Variants in EPB41L4B observed in about 807,000 individuals in gnomAD.
The protein encoded by EPB41L4B is erythrocyte membrane protein band 4.1 like 4B, also known as band 4.1-like protein 4B.
In EPB41L4B, 30 loss-of-function variants were observed where a neutral mutation model predicts 112.5. That is an observed-to-expected ratio of 0.27 (90% confidence interval 0.20 to 0.36). The LOEUF is 0.36. Among genes scored for constraint, EPB41L4B ranks in the 10% least tolerant of loss-of-function variants. The probability of loss-of-function intolerance (pLI) is 1.00; values close to 1 mark genes in which losing one functional copy is unlikely to be tolerated. For synonymous variants in EPB41L4B, 408 were observed against 439.7 expected (o/e 0.93, Z 0.90); for missense variants, 1,024 against 1,133.3 (o/e 0.90, Z 1.38).
chr9:109,215,598 C>T (rs1200162628), intron 16 of EPB41L4B, among the ~76,000 whole-genome samples: 1 of 152,116 alleles, frequency 6.6e-6, no homozygotes, highest in Non-Finnish European at 1.5e-5. Flanking sequence ...AGCGATTCTC[C>T]TGCCTCAACC....
At chr9:109,284,971 G>A (rs1836214928) in intron 1 of EPB41L4B, among the ~76,000 whole-genome samples, 1 of 152,216 alleles carries the variant, frequency 6.6e-6, no homozygotes, top group African/African-American at 2.4e-5. Context: ...ATTGGGCCAG[G>A]AGGAAGCAAG....
intron 15 of EPB41L4B, among the ~76,000 whole-genome samples, chr9:109,230,510 T>C (rs1332295933): frequency 1.3e-5 from 2 of 152,234 alleles, no homozygotes; most frequent in Non-Finnish European, 1.5e-5. Context: ...ATCTGTGCCA[T>C]GTCCGACTGA....
At chr9:109,294,820 C>T (rs1329253307) in intron 1 of EPB41L4B, among the ~76,000 whole-genome samples, 5 of 151,982 alleles carry the variant, frequency 3.3e-5, no homozygotes, top group African/African-American at 1.2e-4. Flanking sequence ...ATGAGAGTTT[C>T]ACCACACTTT....
intron 12 of EPB41L4B, among the ~76,000 whole-genome samples, chr9:109,252,537 C>A (rs1015207243): frequency 2.0e-5 from 3 of 152,102 alleles, no homozygotes; most frequent in African/African-American, 7.2e-5. Flanking sequence ...GTTGCACCAT[C>A]GGTTCATAAA....
intron 1 of EPB41L4B, among the ~76,000 whole-genome samples, chr9:109,286,739 T>C (rs924187746): frequency 2.0e-5 from 3 of 152,200 alleles, no homozygotes; most frequent in African/African-American, 7.2e-5. Flanking sequence ...CAAGTACTTC[T>C]TGAGGGGCCA....
intron 15 of EPB41L4B, among the ~76,000 whole-genome samples, chr9:109,230,067 C>G (rs1446803790): frequency 1.3e-5 from 2 of 152,204 alleles, no homozygotes; most frequent in Non-Finnish European, 2.9e-5. Flanking sequence ...TAATCATGCT[C>G]TTTAAATATT....
intron 1 of EPB41L4B, among the ~76,000 whole-genome samples, chr9:109,288,985 T>C (rs1836417838): frequency 6.6e-6 from 1 of 152,158 alleles, no homozygotes; most frequent in Non-Finnish European, 1.5e-5. Flanking sequence ...TTAGTCACGG[T>C]AGCCCAGAAG....
intron 15 of EPB41L4B, among the ~76,000 whole-genome samples, chr9:109,235,179 T>C (rs1405221810): frequency 6.6e-6 from 1 of 152,176 alleles, no homozygotes; most frequent in Non-Finnish European, 1.5e-5. Flanking sequence ...CGGACAGAAA[T>C]ATCATTTCTA....
intron 2 of EPB41L4B, among the ~76,000 whole-genome samples, chr9:109,271,083 G>T (rs1304440766): frequency 6.6e-6 from 1 of 152,208 alleles, no homozygotes; most frequent in African/African-American, 2.4e-5. Context: ...GCAATTTCAG[G>T]TTTTACAGGC....
intron 22 of EPB41L4B, 95 bp from the exon 23 acceptor site, chr9:109,185,700 C>A: frequency 1.1e-6 from 1 of 931,816 alleles, no homozygotes; most frequent in Non-Finnish European, 1.6e-6. Context: ...AGAAAGACAG[C>A]ACAGTGCAAG....
intron 15 of EPB41L4B, chr9:109,241,924 A>G (rs1834367513): frequency 1.0e-6 from 1 of 996,478 alleles, no homozygotes. Context: ...AGCCATGTGA[A>G]TGGGGATGGC....
intron 1 of EPB41L4B, among the ~76,000 whole-genome samples, chr9:109,297,856 C>T (rs1023497195): frequency 3.9e-5 from 6 of 152,174 alleles, no homozygotes; most frequent in Non-Finnish European, 7.3e-5. Context: ...CTTGGCTCTG[C>T]GTGTAAGATT....
Position 109,263,088 on chromosome 9 carries a change from T to A in EPB41L4B, c.593A>T (p.Tyr198Phe). Residue 198 changes from tyrosine (Y) to phenylalanine (F), a missense_variant, in exon 6 of 26, where the codon TAT becomes TTT. Transcript: ENST00000374566. ...DILSGKLKCP[Y>F]ETAVELAALC... Reference sequence around the variant, plus strand: ...AGCAGCTAATTCCACAGCTGTTTCATAAGGGCATTTCAATCTTGAAAAAAA... The same window carrying A: ...AGCAGCTAATTCCACAGCTGTTTCAAAAGGGCATTTCAATCTTGAAAAAAA... 6.3e-7 allele frequency: 1 copy of A among 1,594,202 alleles called. No individual in the cohort carries two copies. The highest frequency in any genetic ancestry group is 8.6e-7 in the Non-Finnish European group (1 of 1,166,422).
intron 2 of EPB41L4B, among the ~76,000 whole-genome samples, chr9:109,269,681 C>A (rs916726917): frequency 1.3e-5 from 2 of 152,036 alleles, no homozygotes; most frequent in Non-Finnish European, 2.9e-5. Flanking sequence ...TTATGTGGAC[C>A]TAATGCATGC....
chr9:109,180,610 G>GCTCATCCT (rs1241242908), intron 24 of EPB41L4B, among the ~76,000 whole-genome samples: 1 of 152,138 alleles, frequency 6.6e-6, no homozygotes, highest in African/African-American at 2.4e-5. Context: ...TCCCACCTCT[G>GCTCATCCT]CTCATCCTCT....
chr9:109,268,020 A>AGC (rs1835468501), intron 3 of EPB41L4B, among the ~76,000 whole-genome samples: 1 of 152,238 alleles, frequency 6.6e-6, no homozygotes, highest in Non-Finnish European at 1.5e-5. Flanking sequence ...ACATTGAGAA[A>AGC]GCTGTAGCAG....
At chr9:109,197,414 C>T (rs1241354091) in intron 20 of EPB41L4B, among the ~76,000 whole-genome samples, 4 of 151,726 alleles carry the variant, frequency 2.6e-5, no homozygotes, top group African/African-American at 9.7e-5. Flanking sequence ...CAGAGTGAGA[C>T]TCCACCTCAA....
chr9:109,302,231 G>C (rs1836996553), intron 1 of EPB41L4B, among the ~76,000 whole-genome samples: 1 of 151,304 alleles, frequency 6.6e-6, no homozygotes, highest in African/African-American at 2.4e-5. Context: ...AGCCTGGCTT[G>C]GTTCTGTGTA....
At position 109,216,981 on chromosome 9, in the gene EPB41L4B, G is replaced by A; in HGVS notation, c.1574C>T (p.Thr525Ile). ...QHHSNYSLSL[T>I]LENKEGPLRS... is the part of the protein sequence containing the mutation. ...CAGAGGCCCCTCTTTGTTCTCCAGGGTCAGTGAGAGGCTGTAGTTTGAGTG... is the reference window on the plus strand; with the variant it reads ...CAGAGGCCCCTCTTTGTTCTCCAGGATCAGTGAGAGGCTGTAGTTTGAGTG... Residue 525 changes from threonine to isoleucine, a missense_variant, in exon 16 of 26, where the codon ACC becomes ATC. Transcript: ENST00000374566. 3 of 1,614,194 alleles carry A rather than the reference G, an allele frequency of 1.9e-6. No individual in the cohort carries two copies. The highest frequency in any genetic ancestry group is 2.5e-6 in the Non-Finnish European group (3 of 1,180,036).
Sources: allele counts gnomAD v4.1 joint callset (sites outside exome capture counted in the v4.1 genomes callset), GRCh38; gene constraint gnomAD v4.1.1; transcripts MANE v1.5; gene names NCBI Gene and HGNC (gene_info 2026-07-23, HGNC 2026-07-21).